CEP85L: variants seen among roughly 807,000 people sequenced by gnomAD.
CEP85L encodes the protein centrosomal protein of 85 kDa-like.
Under a neutral mutation model 100.3 loss-of-function variants are expected in CEP85L, and 60 were observed. The ratio of observed to expected loss-of-function variants is 0.60; its 90% CI spans 0.49 to 0.74. CEP85L has a LOEUF of 0.74. Among genes scored for constraint, CEP85L ranks in the 30% least tolerant of loss-of-function variants. The pLI, the probability that CEP85L is intolerant of heterozygous loss-of-function variation, is 0.00. For synonymous variants in CEP85L, 319 were observed against 322.7 expected (o/e 0.99, Z 0.12); for missense variants, 973 against 936.2 (o/e 1.04, Z -0.51).
Position 118,702,093 on chromosome 6 carries a change from C to T in CEP85L, c.-28+7943G>A, listed in dbSNP as rs1777429808. ...CTTTATATTTACTCTCCGTAGATAGCTCCACTTTGGAATAGTAGGGCTTTT... is the reference window on the plus strand; with the variant it reads ...CTTTATATTTACTCTCCGTAGATAGTTCCACTTTGGAATAGTAGGGCTTTT... On this transcript the variant is annotated intron_variant, in intron 1 of 13. Transcript: ENST00000368488. 4.6e-5 allele frequency among the ~76,000 whole-genome samples: 7 copies of T among 151,674 alleles called. No homozygotes were observed. The South Asian group carries it at 1.2e-3, about 27-fold the overall frequency.
At chr6:118,597,060 C>G (rs2356499) in intron 2 of CEP85L, among the ~76,000 whole-genome samples, 77,425 of 151,488 alleles carry the variant, frequency 0.51, 20,129 homozygotes, top group Middle Eastern at 0.58. Flanking sequence ...AAATTTTTTT[C>G]CCCCTTTGCT....
rs547125023 is a variant in CEP85L at position 118,544,112 on chromosome 6, A to G, written c.1021-20192T>C. 5.6e-5 allele frequency among the ~76,000 whole-genome samples: 8 copies of G among 143,810 alleles called. 1 individual carries two copies. The South Asian group carries it at 1.0e-3, about 19-fold the overall frequency. The allele number at this position is 143,810 out of a possible 152,430, so 94.3% of individuals were successfully genotyped here. A position where few individuals can be genotyped will look rare whatever the true frequency, so the allele number is the denominator to read the frequency against. The stretch of plus-strand genomic sequence containing the variant: ...AATGCGAGGAGCTCAAAGGGCTGAG[A>G]TATCAACCACAAAGATAAGAAATTT... On this transcript the variant is annotated intron_variant, in intron 3 of 12. Coordinates refer to ENST00000368491, the MANE Select transcript of CEP85L (RefSeq NM_001042475.3).
intron 1 of CEP85L, among the ~76,000 whole-genome samples, chr6:118,645,970 G>A (rs919625349): frequency 5.9e-5 from 9 of 152,286 alleles, no homozygotes; most frequent in African/African-American, 2.2e-4. Context: ...CTTAATCCCA[G>A]CACTTTGGGA....
intron 3 of CEP85L, among the ~76,000 whole-genome samples, chr6:118,537,283 T>C (rs985031090): frequency 6.6e-6 from 1 of 152,152 alleles, no homozygotes; most frequent in Non-Finnish European, 1.5e-5. Flanking sequence ...TGAGTTAATT[T>C]GAAGAAACAA....
At chr6:118,587,608 TC>T (rs1408642294) in intron 2 of CEP85L, among the ~76,000 whole-genome samples, 1 of 151,442 alleles carries the variant, frequency 6.6e-6, no homozygotes, top group African/African-American at 2.4e-5. Context: ...CTTTCCAAAC[TC>T]CCCCCCACCC....
intron 10 of CEP85L, among the ~76,000 whole-genome samples, chr6:118,472,679 TAAATG>T (rs1009590572): frequency 1.7e-4 from 26 of 152,202 alleles, no homozygotes; most frequent in African/African-American, 6.3e-4. Flanking sequence ...TTACAATGCA[TAAATG>T]AAATATCTCA....
At chr6:118,466,795 G>GT (rs1022954102) in intron 12 of CEP85L, among the ~76,000 whole-genome samples, 2 of 152,128 alleles carry the variant, frequency 1.3e-5, no homozygotes, top group Non-Finnish European at 2.9e-5. Context: ...TGGCAACAAT[G>GT]TAAAATGGAT....
chr6:118,586,024 C>A (rs1273245916), intron 2 of CEP85L, among the ~76,000 whole-genome samples: 1 of 152,112 alleles, frequency 6.6e-6, no homozygotes, highest in East Asian at 1.9e-4. Flanking sequence ...TATCCAAGTA[C>A]CTTCAAAGTG....
At chr6:118,575,959 T>C (rs576296692) in intron 2 of CEP85L, among the ~76,000 whole-genome samples, 76 of 152,248 alleles carry the variant, frequency 5.0e-4, no homozygotes, top group African/African-American at 1.7e-3. Flanking sequence ...CCTTACCCAC[T>C]GGGTAGAAGC....
At chr6:118,490,277 GC>G (rs1222140284) in intron 6 of CEP85L, among the ~76,000 whole-genome samples, 2 of 152,152 alleles carry the variant, frequency 1.3e-5, no homozygotes, top group Admixed American at 1.3e-4. Flanking sequence ...TGTACAATAT[GC>G]CTATAGTTCT....
chr6:118,588,874 A>G (rs1298277171), intron 2 of CEP85L, among the ~76,000 whole-genome samples: 1 of 152,048 alleles, frequency 6.6e-6, no homozygotes, highest in Non-Finnish European at 1.5e-5. Context: ...TCCCCATTCA[A>G]TGCTCCTTTT....
chr6:118,576,159 C>A (rs1780220297), intron 2 of CEP85L, among the ~76,000 whole-genome samples: 1 of 152,212 alleles, frequency 6.6e-6, no homozygotes, highest in Non-Finnish European at 1.5e-5. Context: ...AACCTGGTTA[C>A]CATGGACAAG....
chr6:118,576,447 C>G (rs1439024121), intron 2 of CEP85L, among the ~76,000 whole-genome samples: 1 of 152,246 alleles, frequency 6.6e-6, no homozygotes, highest in Non-Finnish European at 1.5e-5. Flanking sequence ...ACTCCAGGAC[C>G]AACAGCCTCA....
chr6:118,633,828 C>T (rs868818714), intron 1 of CEP85L, among the ~76,000 whole-genome samples: 3 of 152,190 alleles, frequency 2.0e-5, no homozygotes, highest in African/African-American at 7.2e-5. Flanking sequence ...ATGCCTAATA[C>T]AGTAAGTCTC....
At chr6:118,470,999 A>C (rs1227914949) in intron 10 of CEP85L, among the ~76,000 whole-genome samples, 2 of 152,086 alleles carry the variant, frequency 1.3e-5, no homozygotes, top group Non-Finnish European at 2.9e-5. Context: ...TAGAGAGTGT[A>C]TTAGCAACAA....
At chr6:118,478,184 AG>A (rs1204553890) in intron 10 of CEP85L, among the ~76,000 whole-genome samples, 1 of 152,104 alleles carries the variant, frequency 6.6e-6, no homozygotes, top group Admixed American at 6.6e-5. Context: ...GTCCAATGCT[AG>A]GGAAATAATC....
intron 5 of CEP85L, among the ~76,000 whole-genome samples, chr6:118,506,833 TCTGA>T (rs879305093): frequency 1.2e-4 from 19 of 152,234 alleles, no homozygotes; most frequent in Non-Finnish European, 2.5e-4. Context: ...ATCTGCCTTC[TCTGA>T]CTTTTATACA....
intron 1 of CEP85L, among the ~76,000 whole-genome samples, chr6:118,701,060 C>T (rs2114359224): frequency 6.6e-6 from 1 of 152,292 alleles, no homozygotes; most frequent in East Asian, 1.9e-4. Flanking sequence ...AATCCCAAAG[C>T]CACAGGATAC....
chr6:118,661,827 A>G (rs961665464), intron 1 of CEP85L, among the ~76,000 whole-genome samples: 8 of 152,256 alleles, frequency 5.3e-5, no homozygotes, highest in Non-Finnish European at 8.8e-5. Flanking sequence ...GGATCTGTCT[A>G]TAATGACTGT....
Sources: allele counts gnomAD v4.1 joint callset (sites outside exome capture counted in the v4.1 genomes callset), GRCh38; gene constraint gnomAD v4.1.1; transcripts MANE v1.5; gene names NCBI Gene and HGNC (gene_info 2026-07-23, HGNC 2026-07-21).